Variants in HS3ST1 observed in about 807,000 individuals in gnomAD.
HS3ST1 encodes heparan sulfate-glucosamine 3-sulfotransferase 1.
In HS3ST1, 8 loss-of-function variants were observed where a neutral mutation model predicts 20.7. The observed-to-expected ratio is 0.39, with a 90% CI of 0.23 to 0.70. The LOEUF is 0.70. HS3ST1 is among the 30% of genes least tolerant of loss of function. The pLI, the probability that HS3ST1 is intolerant of heterozygous loss-of-function variation, is 0.46. For synonymous variants in HS3ST1, 205 were observed against 190.4 expected (o/e 1.08, Z -0.63); for missense variants, 436 against 423.4 (o/e 1.03, Z -0.26).
chr4:11,395,473 C>CTTTTTT lies in HS3ST1; in HGVS notation c.*3603_*3608dup, dbSNP rs34905764. The CTTTTTT allele has an allele frequency of 2.8e-4, 21 of 76,098 alleles. No individual in the cohort carries two copies. Among genetic ancestry groups the CTTTTTT allele is most frequent in the Non-Finnish European group, 3.5e-4 (15 of 42,682 alleles). The allele number at this position is 76,098 out of a possible 1,614,324, so 4.7% of individuals were successfully genotyped here. On this transcript the variant is annotated 3_prime_UTR_variant, in exon 2 of 2. Transcript: ENST00000002596. The stretch of plus-strand genomic sequence containing the variant: ...TTTTATTTTTTTATTATTAATTTAT[C>CTTTTTT]TTTTTTTTTTTTTTTTTTTTTTGAG...
At chr4:11,403,633 A>G (rs2108881679) in intron 1 of HS3ST1, among the ~76,000 whole-genome samples, 1 of 152,312 alleles carries the variant, frequency 6.6e-6, no homozygotes, top group Admixed American at 6.5e-5. Flanking sequence ...TTGGGATTCC[A>G]TAGAAGAAAA....
In HS3ST1 at chr4:11,422,554, G is replaced by A. The variant is rs143688915; in HGVS notation, c.-109+6145C>T. On this transcript the variant is annotated intron_variant, in intron 1 of 1. Transcript: ENST00000002596. ...CATCTCATGAGACAGGCAGAGACTCGGTTATTTATCTGACTCCCATACTAA... is the reference window on the plus strand; with the variant it reads ...CATCTCATGAGACAGGCAGAGACTCAGTTATTTATCTGACTCCCATACTAA... 1.2e-4 allele frequency among the ~76,000 whole-genome samples: 18 copies of A among 152,170 alleles called. No homozygotes were observed. In the South Asian group the frequency reaches 3.7e-3, roughly 32 times the overall value.
chr4:11,410,954 T>C (rs960781932), intron 1 of HS3ST1, among the ~76,000 whole-genome samples: 5 of 152,148 alleles, frequency 3.3e-5, no homozygotes, highest in Non-Finnish European at 7.3e-5. Flanking sequence ...GGCATTGGGA[T>C]GAAGCATATA....
At chr4:11,431,097 A>C (rs1032458269), upstream of HS3ST1, among the ~76,000 whole-genome samples, 1 of 152,142 alleles carries the variant, frequency 6.6e-6, no homozygotes, top group Non-Finnish European at 1.5e-5. Context: ...TGAAACATCT[A>C]TTTAGGGATC....
chr4:11,413,295 C>G (rs1718685050), intron 1 of HS3ST1, among the ~76,000 whole-genome samples: 1 of 152,106 alleles, frequency 6.6e-6, no homozygotes, highest in Non-Finnish European at 1.5e-5. Context: ...AAACAGGCAG[C>G]TTAATCACCT....
chr4:11,407,787 A>G (rs224456), intron 1 of HS3ST1, among the ~76,000 whole-genome samples: 3,882 of 152,318 alleles, frequency 0.025, 80 homozygotes, highest in Middle Eastern at 0.051. Context: ...GCCAGTTACA[A>G]ATGCAGATTC....
intron 1 of HS3ST1, among the ~76,000 whole-genome samples, chr4:11,406,823 A>T (rs1357492101): frequency 6.6e-6 from 1 of 152,108 alleles, no homozygotes; most frequent in Non-Finnish European, 1.5e-5. Context: ...ACGTACTGAA[A>T]CATGAGAAAC....
chr4:11,410,152 G>A lies in HS3ST1; in HGVS notation c.-108-10039C>T, dbSNP rs541567116. On this transcript the variant is annotated intron_variant, in intron 1 of 1. Coordinates refer to ENST00000002596, the MANE Select transcript of HS3ST1 (RefSeq NM_005114.4). ...ACTCAAACTCTTACAAGACATCTAC[G>A]ATGTTTCTAAAATTGTACTGAGTCC... Among the ~76,000 whole-genome samples the A allele has an allele frequency of 1.2e-4, 19 of 152,292 alleles. No homozygotes were observed. In the South Asian group the frequency reaches 2.9e-3, roughly 23 times the overall value.
chr4:11,400,784 G>C (rs1718301855), intron 1 of HS3ST1, among the ~76,000 whole-genome samples: 1 of 152,188 alleles, frequency 6.6e-6, no homozygotes, highest in South Asian at 2.1e-4. Context: ...TCCAACTCTT[G>C]AATTGGCCTT....
In HS3ST1 at chr4:11,399,751, G is replaced by A. The variant is rs1451902658; in HGVS notation, c.255C>T (p.Asn85=). ...SLHPDVAAAE[N]EVHFFDWEEH... Reference sequence around the variant, plus strand: ...CCTCCCAGTCGAAGAAGTGGACCTCGTTCTCCGCGGCCGCCACGTCGGGGT... The same window carrying A: ...CCTCCCAGTCGAAGAAGTGGACCTCATTCTCCGCGGCCGCCACGTCGGGGT... Residue 85 remains asparagine (N), a synonymous_variant, in exon 2 of 2, where the codon AAC becomes AAT. Coordinates refer to ENST00000002596, the MANE Select transcript of HS3ST1 (RefSeq NM_005114.4). This position sits in a 1 kb window ranked among gnomAD's most constrained non-coding sequence, Gnocchi z 5.1. 6 of 1,613,658 alleles carry A rather than the reference G, an allele frequency of 3.7e-6. No homozygotes were observed. The highest frequency in any genetic ancestry group is 1.1e-5 in the South Asian group (1 of 91,084).
At chr4:11,409,502 G>C (rs1356118081) in intron 1 of HS3ST1, among the ~76,000 whole-genome samples, 1 of 152,020 alleles carries the variant, frequency 6.6e-6, no homozygotes, top group Non-Finnish European at 1.5e-5. Context: ...AGCTCACTCT[G>C]TCTCTCTCTC....
intron 1 of HS3ST1, among the ~76,000 whole-genome samples, chr4:11,403,663 G>C (rs1361903081): frequency 6.6e-6 from 1 of 152,142 alleles, no homozygotes; most frequent in Non-Finnish European, 1.5e-5. Context: ...AATCTACCCA[G>C]CAATGACAAC....
intron 1 of HS3ST1, among the ~76,000 whole-genome samples, chr4:11,424,877 C>T (rs1270940119): frequency 7.0e-6 from 1 of 143,302 alleles, no homozygotes; most frequent in Non-Finnish European, 1.5e-5. Flanking sequence ...AAAAAAAAAT[C>T]CTTCTATGAA....
intron 1 of HS3ST1, among the ~76,000 whole-genome samples, chr4:11,412,306 C>T (rs1215125968): frequency 1.3e-5 from 2 of 152,058 alleles, no homozygotes; most frequent in Admixed American, 6.6e-5. Context: ...CAGAGTGAAA[C>T]GATTGGGTCG....
chr4:11,394,854 A>AGGAAGG lies in HS3ST1; in HGVS notation c.*4227_*4228insCCTTCC, dbSNP rs1560228932. The AGGAAGG allele has an allele frequency of 6.6e-6, 1 of 152,168 alleles. No homozygotes were observed. Among genetic ancestry groups the AGGAAGG allele is most frequent in the Non-Finnish European group, 1.5e-5 (1 of 68,032 alleles). 9.4% of individuals were successfully genotyped at this position (152,168 alleles called of 1,614,324 possible). The stretch of plus-strand genomic sequence containing the variant: ...CCATTTTCTACTTCCTAGGGTTGTT[A>AGGAAGG]TATAGGTTAGAAGCAATATATTTAA... On this transcript the variant is annotated 3_prime_UTR_variant, in exon 2 of 2. Transcript: ENST00000002596.
At chr4:11,416,680 G>C (rs1231428537) in intron 1 of HS3ST1, among the ~76,000 whole-genome samples, 1 of 152,194 alleles carries the variant, frequency 6.6e-6, no homozygotes, top group Non-Finnish European at 1.5e-5. Flanking sequence ...CTGGTGGGGA[G>C]GAGATCTGAC....
At chr4:11,421,031 T>A (rs890258711) in intron 1 of HS3ST1, among the ~76,000 whole-genome samples, 1 of 152,250 alleles carries the variant, frequency 6.6e-6, no homozygotes, top group Non-Finnish European at 1.5e-5. Context: ...AGACATACTA[T>A]ACTAAAACAT....
Position 11,397,147 on chromosome 4 carries a change from G to A in HS3ST1, c.*1935C>T, listed in dbSNP as rs192724806. 4 of 152,370 alleles carry A rather than the reference G, an allele frequency of 2.6e-5. No individual in the cohort carries two copies. Among genetic ancestry groups the A allele is most frequent in the Non-Finnish European group, 5.9e-5 (4 of 68,064 alleles). The allele number at this position is 152,370 out of a possible 1,614,324, so 9.4% of individuals were successfully genotyped here. A position where few individuals can be genotyped will look rare whatever the true frequency, so the allele number is the denominator to read the frequency against. ...TATGGTAAAAGCAAGATCCAACGAT[G>A]TGCTGCAGAGGGAGGCTCTCTGCCT... is the stretch of plus-strand genomic sequence containing the variant. On this transcript the variant is annotated 3_prime_UTR_variant, in exon 2 of 2. Coordinates refer to ENST00000002596, the MANE Select transcript of HS3ST1 (RefSeq NM_005114.4).
intron 1 of HS3ST1, among the ~76,000 whole-genome samples, chr4:11,412,724 T>C (rs1718670707): frequency 6.6e-6 from 1 of 152,098 alleles, no homozygotes. Context: ...AGGACCTGAT[T>C]GAGAGGTGGA....
Sources: allele counts gnomAD v4.1 joint callset (sites outside exome capture counted in the v4.1 genomes callset), GRCh38; gene constraint gnomAD v4.1.1; non-coding constraint Gnocchi (gnomAD v3.1); transcripts MANE v1.5; gene names NCBI Gene and HGNC (gene_info 2026-07-23, HGNC 2026-07-21).